TPCN2: variants seen among roughly 807,000 people sequenced by gnomAD.
The protein encoded by TPCN2 is two pore segment channel 2.
Under a neutral mutation model 111.4 loss-of-function variants are expected in TPCN2, and 92 were observed. The observed-to-expected ratio is 0.83, with a 90% confidence interval of 0.70 to 0.98. TPCN2 has a LOEUF of 0.98. TPCN2 is among the 50% of genes least tolerant of loss of function. The probability of loss-of-function intolerance (pLI) is 0.00; values close to 1 mark genes in which losing one functional copy is unlikely to be tolerated. For missense variants in TPCN2, 995 were observed against 980.1 expected (o/e 1.02, Z -0.20); for synonymous variants, 405 against 414.5 (o/e 0.98, Z 0.28).
Position 69,067,558 on chromosome 11 carries a change from C to A in TPCN2, c.782C>A (p.Ser261Tyr), listed in dbSNP as rs1478547613. The A allele has an allele frequency of 6.2e-7, 1 of 1,614,058 alleles. No individual in the cohort carries two copies. Among genetic ancestry groups the A allele is most frequent in the East Asian group, 2.2e-5 (1 of 44,880 alleles). ...RLTYFQNLPE[S>Y]LTSLLVLLTT... The stretch of plus-strand genomic sequence containing the variant: ...ACCTACTTCCAGAACCTGCCTGAGT[C>A]TCTGACTTCCCTCCTGGTGCTGCTG... Residue 261 changes from serine to tyrosine, a missense_variant, in exon 8 of 25, where the codon TCT (serine) becomes TAT (tyrosine). Ser to Tyr is a moderately radical substitution (Grantham distance 144, BLOSUM62 -2). Transcript: ENST00000294309.
chr11:69,076,652 C>G (rs71464360), intron 13 of TPCN2, among the ~76,000 whole-genome samples: 17 of 107,166 alleles, frequency 1.6e-4, no homozygotes, highest in African/African-American at 5.5e-4. Context: ...GCCCTCCTGC[C>G]GTGTCCCTCC....
At chr11:69,084,895 G>A in intron 19 of TPCN2, 3 of 812,542 alleles carry the variant, frequency 3.7e-6, no homozygotes, top group Non-Finnish European at 4.5e-6. Context: ...GCTGACGCAT[G>A]TTAGGGACAG....
chr11:69,071,353 A>G lies in TPCN2; in HGVS notation c.896-3A>G. The stretch of plus-strand genomic sequence containing the variant: ...CCCTGACCGTGGCTGTCTCCTCTTG[A>G]AGGAAGCCTGTTTCTGATGAACCTG... On this transcript the variant is annotated splice_region_variant and splice_polypyrimidine_tract_variant and intron_variant, in intron 9 of 24. Coordinates refer to ENST00000294309, the MANE Select transcript of TPCN2 (RefSeq NM_139075.4). The G allele has an allele frequency of 6.2e-7, 1 of 1,613,602 alleles. No homozygotes were observed. Among genetic ancestry groups the G allele is most frequent in the East Asian group, 2.2e-5 (1 of 44,856 alleles).
intron 18 of TPCN2, among the ~76,000 whole-genome samples, 165 bp downstream of exon 18, chr11:69,081,664 G>A (rs936777877): frequency 1.3e-5 from 2 of 152,190 alleles, no homozygotes; most frequent in Middle Eastern, 3.2e-3. Context: ...TGATGCTGGG[G>A]AAGGGTCATT....
chr11:69,084,981 G>C (rs1170222761), intron 19 of TPCN2: 1 of 304,166 alleles, frequency 3.3e-6, no homozygotes, highest in Non-Finnish European at 4.8e-6. Flanking sequence ...AATTCCCTTA[G>C]GAGCTCCATG....
At chr11:69,053,413 C>T (rs1279046320) in intron 1 of TPCN2, among the ~76,000 whole-genome samples, 2 of 151,996 alleles carry the variant, frequency 1.3e-5, no homozygotes, top group East Asian at 3.9e-4. Flanking sequence ...ATGGCAGTGC[C>T]TTTGGGTTCT....
At chr11:69,073,349 A>T (rs1037872842) in intron 13 of TPCN2, among the ~76,000 whole-genome samples, 1 of 152,168 alleles carries the variant, frequency 6.6e-6, no homozygotes, top group Non-Finnish European at 1.5e-5. Flanking sequence ...CACCCTTGAC[A>T]CTTACAAAGT....
At chr11:69,084,749 G>A (rs779719292) in intron 19 of TPCN2, 122 of 985,318 alleles carry the variant, frequency 1.2e-4, no homozygotes, top group Admixed American at 2.5e-4. Flanking sequence ...GCTGTGCCTC[G>A]CGCCTCTGGA....
intron 18 of TPCN2, among the ~76,000 whole-genome samples, chr11:69,082,787 AT>A (rs1856090280): frequency 9.8e-5 from 7 of 71,700 alleles, no homozygotes; most frequent in African/African-American, 3.3e-4. Context: ...GCAGATATCC[AT>A]GTGAACTCGT....
At chr11:69,070,988 G>A (rs1448151382) in intron 9 of TPCN2, among the ~76,000 whole-genome samples, 14 of 129,944 alleles carry the variant, frequency 1.1e-4, no homozygotes, top group African/African-American at 3.9e-4. Flanking sequence ...GTTCACCCCA[G>A]GGATCCCCCA....
At chr11:69,063,083 T>A (rs1455426832) in intron 6 of TPCN2, 93 bp downstream of exon 6, 3 of 1,115,062 alleles carry the variant, frequency 2.7e-6, no homozygotes, top group Non-Finnish European at 4.1e-6. Context: ...CGGAGTCTCA[T>A]CTTGGACTGC....
chr11:69,085,272 TC>T lies in TPCN2; in HGVS notation c.1826del (p.Pro609LeufsTer41). The stretch of plus-strand genomic sequence containing the variant: ...TGTTTAGAGGCGTCATTGTGGCTCT[TC>T]CTGGAAACAGCAGGTGAGGTGGGGT... ...NLFRGVIVALPGNSSLAPANG... is the reference protein window; with the variant it reads ...NLFRGVIVALXGNSSLAPANG... On this transcript the variant is annotated frameshift_variant, in exon 20 of 25. Transcript: ENST00000294309. LOFTEE classifies it high-confidence loss of function. 1 of 1,487,262 alleles carries T rather than the reference TC, an allele frequency of 6.7e-7. No homozygotes were observed. Among genetic ancestry groups the T allele is most frequent in the Non-Finnish European group, 9.1e-7 (1 of 1,101,946 alleles). 92.1% of individuals were successfully genotyped at this position (1,487,262 alleles called of 1,614,324 possible).
At chr11:69,064,562 A>T (rs11228473) in intron 7 of TPCN2, among the ~76,000 whole-genome samples, 162 of 151,994 alleles carry the variant, frequency 1.1e-3, no homozygotes, top group African/African-American at 3.8e-3. Flanking sequence ...CCTGTCCCCC[A>T]ACCCCGCTCC....
intron 1 of TPCN2, among the ~76,000 whole-genome samples, chr11:69,050,223 GT>G (rs1392052641): frequency 2.0e-5 from 3 of 152,230 alleles, no homozygotes; most frequent in Admixed American, 6.5e-5. Flanking sequence ...CCTGGGACCA[GT>G]CAGGAAGGAG....
rs1181793178 is a variant in TPCN2, at chr11:69,089,939, G to A, written c.*1986G>A. The A allele has an allele frequency of 6.6e-6, 1 of 152,138 alleles. No individual in the cohort carries two copies. Among genetic ancestry groups the A allele is most frequent in the Non-Finnish European group, 1.5e-5 (1 of 68,036 alleles). The allele number at this position is 152,138 out of a possible 1,614,324, so 9.4% of individuals were successfully genotyped here. On this transcript the variant is annotated 3_prime_UTR_variant, in exon 25 of 25. Coordinates refer to ENST00000294309, the MANE Select transcript of TPCN2 (RefSeq NM_139075.4). The stretch of plus-strand genomic sequence containing the variant: ...GTGTTTTTTTTGTTATGTACCTACA[G>A]TTCTTTAGCTGTTTCTTTACTTTCT...
rs552140060 is a variant in TPCN2 at position 69,074,535 on chromosome 11, T to C, written c.1230+1534T>C. Among the ~76,000 whole-genome samples the C allele has an allele frequency of 3.3e-5, 5 of 152,014 alleles. No individual in the cohort carries two copies. In the East Asian group the frequency reaches 5.8e-4, roughly 18 times the overall value. ...AACAGAAAGTTAAGAAGCACCATTC[T>C]AGATAAAGGCGCTTGTCCTAGGGGC... On this transcript the variant is annotated intron_variant, in intron 13 of 24. Transcript: ENST00000294309.
At chr11:69,051,475 T>C (rs1224399559) in intron 1 of TPCN2, among the ~76,000 whole-genome samples, 1 of 152,204 alleles carries the variant, frequency 6.6e-6, no homozygotes, top group Non-Finnish European at 1.5e-5. Flanking sequence ...GTTAAGGGAC[T>C]TGCCCAGGGT....
At chr11:69,079,445 G>A (rs1029961896) in intron 16 of TPCN2, 5 of 284,864 alleles carry the variant, frequency 1.8e-5, no homozygotes, top group Non-Finnish European at 3.3e-5. Flanking sequence ...CCCAGACCCA[G>A]TGGGAGTGAG....
intron 23 of TPCN2, 111 bp from the exon 24 acceptor site, chr11:69,087,001 G>GC (rs1856310608): frequency 1.1e-6 from 1 of 874,484 alleles, no homozygotes; most frequent in East Asian, 2.6e-5. Flanking sequence ...AGGGTGAATG[G>GC]CTCAGCCCCC....
Sources: gnomAD v4.1 joint callset for allele counts (sites outside exome capture counted in the v4.1 genomes callset) on GRCh38, gnomAD v4.1.1 for gene constraint, MANE v1.5 for transcripts, NCBI Gene and HGNC (gene_info 2026-07-23, HGNC 2026-07-21) for gene names.